DENND6B: variants seen among roughly 807,000 people sequenced by gnomAD.
The protein encoded by DENND6B is protein DENND6B.
A neutral mutation model predicts 85.1 loss-of-function variants in DENND6B; 73 were observed. The ratio of observed to expected loss-of-function variants is 0.86; its 90% confidence interval spans 0.71 to 1.04. The LOEUF is 1.04. Among genes scored for constraint, DENND6B ranks in the 50% least tolerant of loss-of-function variants. The pLI is 0.00. For synonymous variants in DENND6B, 357 were observed against 329.3 expected (o/e 1.08, Z -0.91); for missense variants, 715 against 785.8 (o/e 0.91, Z 1.08).
chr22:50,315,487 T>A (rs1296322556), intron 9 of DENND6B, among the ~76,000 whole-genome samples: 3 of 152,078 alleles, frequency 2.0e-5, no homozygotes, highest in Non-Finnish European at 4.4e-5. Flanking sequence ...TAGACAATTC[T>A]CCCTCCTTCC....
intron 5 of DENND6B, 73 bp from the exon 6 acceptor site, chr22:50,316,548 C>G (rs1458547247): frequency 1.9e-6 from 3 of 1,547,682 alleles, no homozygotes; most frequent in Non-Finnish European, 2.6e-6. Context: ...CCACGGGGAC[C>G]ACCGAAGCCA....
chr22:50,315,852 G>A (rs2041794521), intron 8 of DENND6B, 83 bp from the exon 9 acceptor site: 1 of 1,485,798 alleles, frequency 6.7e-7, no homozygotes, highest in South Asian at 1.3e-5. Flanking sequence ...CACAGCACAG[G>A]GGAAGGTGGA....
At chr22:50,316,770 G>C in intron 5 of DENND6B, 1 of 1,336,276 alleles carries the variant, frequency 7.5e-7, no homozygotes, top group Non-Finnish European at 9.8e-7. Context: ...CAGGGGCTGA[G>C]CAGCTTTTAC....
At chr22:50,317,252 C>A (rs763561789) in intron 5 of DENND6B, 41 bp downstream of exon 5, 1 of 1,607,946 alleles carries the variant, frequency 6.2e-7, no homozygotes, top group Non-Finnish European at 8.5e-7. Context: ...CCAGCTCCTG[C>A]CGCTCTTGAG....
intron 13 of DENND6B, 108 bp downstream of exon 13, chr22:50,314,099 G>C: frequency 1.4e-5 from 20 of 1,385,950 alleles, no homozygotes; most frequent in Non-Finnish European, 1.9e-5. Flanking sequence ...CTGAGTCCTG[G>C]AAGAGGATCA....
In DENND6B at chr22:50,312,276, A is replaced by G. The variant is rs2068074257; in HGVS notation, c.1636-15T>C. On this transcript the variant is annotated splice_polypyrimidine_tract_variant and intron_variant, in intron 19 of 19. Transcript: ENST00000413817. ...TGAGCCCGCACCTGGAGGGGCAGCC[A>G]TGGTCAGGGCAGGCGCAGCTCCGTG... 2 of 1,611,840 alleles carry G rather than the reference A, an allele frequency of 1.2e-6. No homozygotes were observed. The highest frequency in any genetic ancestry group is 2.2e-5 in the East Asian group (1 of 44,878).
At position 50,312,182 on chromosome 22, in the gene DENND6B, C is replaced by T; in HGVS notation, c.1715G>A (p.Gly572Asp). ...AGCCTGCAGGTCTTTGGGCAGGGAG[C>T]CGATGACCGTCTCGATGTACAGCTG... Reference protein sequence around the residue: ...RAQLYIETVIGSLPKDLQAVL... With the variant: ...RAQLYIETVIDSLPKDLQAVL... The change falls in exon 20 of 20, where the codon GGC (glycine) becomes GAC (aspartate). Residue 572 changes from glycine (G) to aspartate (D), a missense_variant. Gly to Asp is a moderately conservative substitution (Grantham distance 94). Coordinates refer to ENST00000413817, the MANE Select transcript of DENND6B (RefSeq NM_001001794.4). 1 of 1,612,494 alleles carries T rather than the reference C, an allele frequency of 6.2e-7. No homozygotes were observed. The highest frequency in any genetic ancestry group is 8.5e-7 in the Non-Finnish European group (1 of 1,179,760).
At position 50,316,219 on chromosome 22, in the gene DENND6B, T is replaced by A. The variant is rs11553141; in HGVS notation, c.594A>T (p.Ala198=). 9.9e-6 allele frequency: 16 copies of A among 1,609,480 alleles called. No homozygotes were observed. In the East Asian group the frequency reaches 3.1e-4, roughly 31 times the overall value. Residue 198 remains alanine, a synonymous_variant, in exon 7 of 20, where the codon GCA becomes GCT. Coordinates refer to ENST00000413817, the MANE Select transcript of DENND6B (RefSeq NM_001001794.4). ...CSEIDQWPAP[A]PGQTLNLPVM... ...CAGGTAGGTTCAGGGTCTGCCCAGG[T>A]GCAGGCGCCGGCCACTGGTCGATCT...
Position 50,311,785 on chromosome 22 carries a change from G to C in DENND6B, c.*354C>G, listed in dbSNP as rs2068063944. The C allele has an allele frequency of 2.9e-6, 1 of 340,580 alleles. No homozygotes were observed. Among genetic ancestry groups the C allele is most frequent in the Non-Finnish European group, 5.6e-6 (1 of 178,806 alleles). The allele number at this position is 340,580 out of a possible 1,614,324, so 21.1% of individuals were successfully genotyped here. A position where few individuals can be genotyped will look rare whatever the true frequency, so the allele number is the denominator to read the frequency against. On this transcript the variant is annotated 3_prime_UTR_variant, in exon 20 of 20. Transcript: ENST00000413817. Reference sequence around the variant, plus strand: ...TGAGGGAAGCATCACACACAGCGCAGGGGGGTCGGGGGCCAACAGATGGGC... The same window carrying C: ...TGAGGGAAGCATCACACACAGCGCACGGGGGTCGGGGGCCAACAGATGGGC...
In DENND6B at chr22:50,327,005, T is replaced by A. The variant is rs2147799182; in HGVS notation, c.-17A>T. On this transcript the variant is annotated 5_prime_UTR_variant, in exon 1 of 20. Transcript: ENST00000413817. ...CGCGTCCATGGCGGCGGCCGCGGGTTGCCGGGGAAACGCGGGCGGGGGCGG... is the reference window on the plus strand; with the variant it reads ...CGCGTCCATGGCGGCGGCCGCGGGTAGCCGGGGAAACGCGGGCGGGGGCGG... 2 of 1,175,940 alleles carry A rather than the reference T, an allele frequency of 1.7e-6. No individual in the cohort carries two copies. The highest frequency in any genetic ancestry group is 7.7e-5 in the East Asian group (2 of 26,054). 72.8% of individuals were successfully genotyped at this position (1,175,940 alleles called of 1,614,324 possible). A position where few individuals can be genotyped will look rare whatever the true frequency, so the allele number is the denominator to read the frequency against.
chr22:50,316,821 A>T lies in DENND6B; in HGVS notation c.454-346T>A, dbSNP rs917245637. 1.1e-5 allele frequency: 13 copies of T among 1,151,696 alleles called. No homozygotes were observed. The Admixed American group carries it at 3.5e-4, about 31-fold the overall frequency. The allele number at this position is 1,151,696 out of a possible 1,614,324, so 71.3% of individuals were successfully genotyped here. ...TCCAGGCTGGGTTGCCCTGACACTG[A>T]CAGTGTGATGACCCTCCAGCCATCA... is the stretch of plus-strand genomic sequence containing the variant. On this transcript the variant is annotated intron_variant, in intron 5 of 19. Transcript: ENST00000413817.
intron 1 of DENND6B, among the ~76,000 whole-genome samples, chr22:50,324,703 C>T (rs770797211): frequency 6.6e-5 from 10 of 152,178 alleles, no homozygotes; most frequent in East Asian, 1.9e-4. Flanking sequence ...GGATTACAGG[C>T]GTGAGCCACC....
intron 3 of DENND6B, 141 bp from the exon 4 acceptor site, chr22:50,318,161 A>T: frequency 1.3e-6 from 1 of 773,064 alleles, no homozygotes; most frequent in Non-Finnish European, 2.0e-6. Flanking sequence ...TGGCTAACAC[A>T]GTGAAACCCC....
rs1485585210 is a variant in DENND6B, at chr22:50,312,404, C to G, written c.1574G>C (p.Trp525Ser). 2 of 1,611,370 alleles carry G rather than the reference C, an allele frequency of 1.2e-6. No homozygotes were observed. Among genetic ancestry groups the G allele is most frequent in the Admixed American group, 1.7e-5 (1 of 59,810 alleles). ...CTCCACCTCGGACTTGTCTTTCATC[C>G]AGGTCTCGATGTTCTGCAGGGCAAG... The part of the protein sequence containing the change: ...EAICEANIET[W>S]MKDKSEVEVV... Residue 525 changes from tryptophan (W) to serine (S), a missense_variant, in exon 19 of 20, where the codon TGG becomes TCG. Trp to Ser is a radical substitution (Grantham distance 177). Transcript: ENST00000413817.
Position 50,312,538 on chromosome 22 carries a change from C to A in DENND6B, c.1545G>T (p.Glu515Asp), listed in dbSNP as rs1196389624. The A allele has an allele frequency of 6.3e-7, 1 of 1,592,354 alleles. No homozygotes were observed. The highest frequency in any genetic ancestry group is 1.3e-5 in the African/African-American group (1 of 74,590). The stretch of plus-strand genomic sequence containing the variant: ...CCTCTCTCACCGCCTCACAGATAGC[C>A]TCCAGGTGCAGGGCCTCCAGCTTCA... ...MALKLEALHL[E>D]AICEANIETW... The change falls in exon 18 of 20, where the codon GAG becomes GAT. Residue 515 changes from glutamate to aspartate, a missense_variant. Glu to Asp is a conservative substitution (Grantham distance 45). Coordinates refer to ENST00000413817, the MANE Select transcript of DENND6B (RefSeq NM_001001794.4).
intron 5 of DENND6B, 131 bp downstream of exon 5, chr22:50,317,162 G>T: frequency 1.1e-6 from 1 of 950,956 alleles, no homozygotes; most frequent in Non-Finnish European, 1.6e-6. Context: ...GCTGGACACA[G>T]CCCAGGTGGG....
At chr22:50,315,407 C>T (rs1189594269) in intron 9 of DENND6B, among the ~76,000 whole-genome samples, 2 of 152,236 alleles carry the variant, frequency 1.3e-5, no homozygotes, top group African/African-American at 4.8e-5. Flanking sequence ...TGACACCTGT[C>T]TTTCAGAACC....
At chr22:50,315,163 G>A (rs143539072) in intron 9 of DENND6B, 489 of 571,718 alleles carry the variant, frequency 8.6e-4, no homozygotes, top group African/African-American at 8.5e-3. Context: ...ACCCACCTGT[G>A]AGGGACCAGC....
rs558284167 is a variant in DENND6B at position 50,319,117 on chromosome 22, C to T, written c.178-114G>A. The stretch of plus-strand genomic sequence containing the variant: ...GCAGCTGCAGCATCTGTCTGTGGGG[C>T]GCAGGTCAGTGCCCAAGGTGCTGGC... On this transcript the variant is annotated intron_variant, in intron 1 of 19. Transcript: ENST00000413817. 471 of 1,540,370 alleles carry T rather than the reference C, an allele frequency of 3.1e-4. No homozygotes were observed. In the African/African-American group the frequency reaches 4.7e-3, roughly 15 times the overall value.
Sources: allele counts gnomAD v4.1 joint callset (sites outside exome capture counted in the v4.1 genomes callset), GRCh38; gene constraint gnomAD v4.1.1; transcripts MANE v1.5; gene names NCBI Gene and HGNC (gene_info 2026-07-23, HGNC 2026-07-21).